Variants in PLCB1 observed in about 807,000 individuals in gnomAD.
The protein encoded by PLCB1 is phospholipase C beta 1, also known as 1-phosphatidylinositol 4,5-bisphosphate phosphodiesterase beta-1.
A neutral mutation model predicts 161.8 loss-of-function variants in PLCB1; 46 were observed. That is an observed-to-expected ratio of 0.28 (90% confidence interval 0.22 to 0.36). The LOEUF is 0.36. PLCB1 is among the 10% of genes least tolerant of loss of function. PLCB1 has a pLI of 1.00. For missense variants in PLCB1, 1,016 were observed against 1,472.5 expected (o/e 0.69, Z 5.07); for synonymous variants, 517 against 503.7 (o/e 1.03, Z -0.35).
intron 2 of PLCB1, among the ~76,000 whole-genome samples, chr20:8,251,770 C>G (rs1388451233): frequency 2.0e-5 from 3 of 151,942 alleles, no homozygotes; most frequent in African/African-American, 4.8e-5. Context: ...TCCTAGGTCC[C>G]TCTCCCCAAA....
intron 3 of PLCB1, among the ~76,000 whole-genome samples, chr20:8,532,320 G>A (rs2064272): frequency 0.32 from 48,403 of 152,040 alleles, 7,939 homozygotes; most frequent in Middle Eastern, 0.44. Context: ...CACCTTGCCC[G>A]TTAAAAGCCC....
chr20:8,770,463 C>G (rs1356934902), intron 26 of PLCB1, among the ~76,000 whole-genome samples: 1 of 152,168 alleles, frequency 6.6e-6, no homozygotes, highest in Non-Finnish European at 1.5e-5. Flanking sequence ...GTTAATTTAG[C>G]AAGTTTATTT....
intron 2 of PLCB1, among the ~76,000 whole-genome samples, chr20:8,213,486 A>G (rs1978943585): frequency 6.6e-6 from 1 of 152,124 alleles, no homozygotes; most frequent in Non-Finnish European, 1.5e-5. Context: ...AGCAGGAGGT[A>G]GCAGAGCAAG....
chr20:8,238,430 AT>A (rs1220265549), intron 2 of PLCB1, among the ~76,000 whole-genome samples: 1 of 152,048 alleles, frequency 6.6e-6, no homozygotes, highest in African/African-American at 2.4e-5. Context: ...TGCTCTTCTC[AT>A]TCTCTTATCT....
chr20:8,252,196 G>A (rs902456924), intron 2 of PLCB1, among the ~76,000 whole-genome samples: 1 of 151,896 alleles, frequency 6.6e-6, no homozygotes. Flanking sequence ...ATCCAAACAA[G>A]CATGGAAGTC....
At chr20:8,484,381 A>T (rs1299487840) in intron 3 of PLCB1, among the ~76,000 whole-genome samples, 19 of 145,768 alleles carry the variant, frequency 1.3e-4, no homozygotes, top group Non-Finnish European at 1.5e-4. Context: ...TTTTTTTTTT[A>T]AATGGAGTCT....
At chr20:8,518,194 T>A (rs977907529) in intron 3 of PLCB1, among the ~76,000 whole-genome samples, 3 of 151,116 alleles carry the variant, frequency 2.0e-5, no homozygotes, top group Non-Finnish European at 4.4e-5. Context: ...AAAAAAAAAA[T>A]TATCCTATTT....
intron 27 of PLCB1, among the ~76,000 whole-genome samples, chr20:8,779,512 A>C (rs1983108157): frequency 9.3e-5 from 2 of 21,498 alleles, no homozygotes; most frequent in Non-Finnish European, 2.2e-4. Context: ...TTGTGCAAAA[A>C]AAAAAAAAAA....
intron 2 of PLCB1, among the ~76,000 whole-genome samples, chr20:8,318,790 G>A (rs377111929): frequency 6.6e-6 from 1 of 152,134 alleles, no homozygotes; most frequent in East Asian, 1.9e-4. Context: ...GGTTACTTTT[G>A]TGCATATTTT....
Position 8,420,632 on chromosome 20 carries a change from GT to G in PLCB1, c.246+49186del, listed in dbSNP as rs71831688. 8.4e-3 allele frequency among the ~76,000 whole-genome samples: 1,273 copies of G among 152,304 alleles called. 25 individuals are homozygous for G. The highest frequency in any genetic ancestry group is 0.029 in the African/African-American group (1,186 of 41,572). On this transcript the variant is annotated intron_variant, in intron 3 of 31. Coordinates refer to ENST00000338037, the MANE Select transcript of PLCB1 (RefSeq NM_015192.4). ...CATAAGAGAGAACACGTAGTGTTTA[GT>G]TTTCTGTGAAACCATAAATATTAAA...
At chr20:8,379,781 C>G (rs1046536328) in intron 3 of PLCB1, among the ~76,000 whole-genome samples, 3 of 152,044 alleles carry the variant, frequency 2.0e-5, no homozygotes, top group Non-Finnish European at 4.4e-5. Flanking sequence ...TATCCTTTGC[C>G]CACTTTTTGA....
intron 2 of PLCB1, among the ~76,000 whole-genome samples, chr20:8,204,547 G>T (rs1978428137): frequency 6.6e-6 from 1 of 151,962 alleles, no homozygotes. Flanking sequence ...TCATGGCTTG[G>T]TGTTGTCTTT....
At position 8,717,791 on chromosome 20, in the gene PLCB1, G is replaced by A; in HGVS notation, c.1456G>A (p.Ala486Thr). Residue 486 changes from alanine (A) to threonine (T), a missense_variant, in exon 14 of 32, where the codon GCC becomes ACC. Physicochemically the swap from Ala to Thr is moderately conservative, Grantham distance 58. This residue lies in a region of PLCB1 where 109 missense variants were observed against 129.7 expected (regional missense o/e 0.84). Transcript: ENST00000338037. ...GSGKKKLSEQ[A>T]SNTYSDSSSM... ...CGGCAAAAAGAAGCTCTCAGAACAA[G>A]CCTCCAACACCTACAGTGACTCCTC... The A allele has an allele frequency of 6.2e-7, 1 of 1,614,016 alleles. No individual in the cohort carries two copies. The highest frequency in any genetic ancestry group is 1.1e-5 in the South Asian group (1 of 91,076).
At chr20:8,450,695 G>C (rs981976170) in intron 3 of PLCB1, among the ~76,000 whole-genome samples, 1 of 152,146 alleles carries the variant, frequency 6.6e-6, no homozygotes, top group African/African-American at 2.4e-5. Context: ...ACTTAGCGAG[G>C]CATCTATCGG....
chr20:8,515,268 C>T (rs1351127495), intron 3 of PLCB1, among the ~76,000 whole-genome samples: 1 of 152,176 alleles, frequency 6.6e-6, no homozygotes, highest in East Asian at 1.9e-4. Flanking sequence ...ATAGCATCTG[C>T]TTCATTATAA....
intron 9 of PLCB1, among the ~76,000 whole-genome samples, chr20:8,672,592 C>T (rs1290101617): frequency 2.0e-5 from 3 of 151,950 alleles, no homozygotes; most frequent in South Asian, 2.1e-4. Flanking sequence ...ATATGCATAC[C>T]GAGCAGGGAA....
intron 2 of PLCB1, among the ~76,000 whole-genome samples, chr20:8,283,496 TAA>T (rs962470657): frequency 6.6e-6 from 1 of 151,080 alleles, no homozygotes; most frequent in African/African-American, 2.4e-5. Flanking sequence ...TCTAACATTC[TAA>T]CAGTCTTTAA....
At chr20:8,773,469 T>C (rs1310398963) in intron 26 of PLCB1, among the ~76,000 whole-genome samples, 2 of 152,250 alleles carry the variant, frequency 1.3e-5, no homozygotes, top group Non-Finnish European at 2.9e-5. Context: ...ACATTCACCC[T>C]AACCTTCTAA....
chr20:8,553,581 T>A (rs1047733308), intron 3 of PLCB1, among the ~76,000 whole-genome samples: 3 of 152,184 alleles, frequency 2.0e-5, no homozygotes, highest in Non-Finnish European at 4.4e-5. Context: ...TATTTTTAAA[T>A]CTTTTATTCT....
Sources: allele counts gnomAD v4.1 joint callset (sites outside exome capture counted in the v4.1 genomes callset), GRCh38; gene constraint gnomAD v4.1.1; regional missense constraint gnomAD v4.1.1; transcripts MANE v1.5; gene names NCBI Gene and HGNC (gene_info 2026-07-23, HGNC 2026-07-21).